Variants in TMED10 observed in about 807,000 individuals in gnomAD.
The protein encoded by TMED10 is transmembrane p24 trafficking protein 10.
In TMED10, 7 loss-of-function variants were observed where a neutral mutation model predicts 23.1. The observed-to-expected ratio is 0.30, with a 90% CI of 0.17 to 0.57. The LOEUF (loss-of-function observed/expected upper bound fraction) is 0.57. TMED10 is among the 20% of genes least tolerant of loss of function. The pLI is 0.91. For missense variants in TMED10, 162 were observed against 274.8 expected (o/e 0.59, Z 2.90); for synonymous variants, 113 against 106.9 (o/e 1.06, Z -0.35).
intron 3 of TMED10, among the ~76,000 whole-genome samples, chr14:75,136,223 G>A (rs1895747977): frequency 6.6e-6 from 1 of 152,136 alleles, no homozygotes; most frequent in Admixed American, 6.5e-5. Context: ...CAGTGGCACA[G>A]TCTTGGCTCA....
intron 1 of TMED10, among the ~76,000 whole-genome samples, chr14:75,167,612 A>C (rs1351956838): frequency 6.6e-6 from 1 of 152,174 alleles, no homozygotes; most frequent in Non-Finnish European, 1.5e-5. Context: ...TAGGCCTGTG[A>C]TTCAAGGCTG....
At chr14:75,176,228 T>C in intron 1 of TMED10, 127 bp downstream of exon 1, 15 of 1,199,002 alleles carry the variant, frequency 1.3e-5, no homozygotes, top group Non-Finnish European at 1.7e-5. Flanking sequence ...CCACCGCACG[T>C]CCTTTGCGCT....
At chr14:75,162,172 T>A (rs1896093719) in intron 1 of TMED10, among the ~76,000 whole-genome samples, 1 of 152,006 alleles carries the variant, frequency 6.6e-6, no homozygotes, top group Admixed American at 6.6e-5. Flanking sequence ...GGCTGAGGCA[T>A]GACAATCACT....
At chr14:75,153,616 A>C (rs1396778002) in intron 1 of TMED10, among the ~76,000 whole-genome samples, 10 of 152,222 alleles carry the variant, frequency 6.6e-5, no homozygotes, top group Non-Finnish European at 2.9e-5. Context: ...TGGCTTAATT[A>C]CATTAAACTG....
chr14:75,157,191 G>C (rs977843542), intron 1 of TMED10, among the ~76,000 whole-genome samples: 12 of 152,170 alleles, frequency 7.9e-5, no homozygotes, highest in Admixed American at 6.6e-4. Flanking sequence ...CGGAGCTTGG[G>C]GTTCTGCAAC....
At chr14:75,153,211 T>A (rs1895976380) in intron 1 of TMED10, among the ~76,000 whole-genome samples, 1 of 151,870 alleles carries the variant, frequency 6.6e-6, no homozygotes, top group African/African-American at 2.4e-5. Flanking sequence ...GCACCTATAG[T>A]CCCAGGTACT....
intron 1 of TMED10, among the ~76,000 whole-genome samples, chr14:75,164,212 C>T (rs1341142367): frequency 1.4e-5 from 2 of 147,872 alleles, no homozygotes; most frequent in African/African-American, 2.5e-5. Context: ...ACTACAGATG[C>T]ATGCCACCAT....
chr14:75,145,559 A>G lies in TMED10; in HGVS notation c.411+2105T>C, dbSNP rs537639442. ...CGCCAGCACTTTGGGAGGCCAAGAC[A>G]GGCAGATCACGAGGTCAGGAGATCG... On this transcript the variant is annotated intron_variant, in intron 3 of 4. Transcript: ENST00000303575. 2.6e-5 allele frequency among the ~76,000 whole-genome samples: 4 copies of G among 152,300 alleles called. No individual in the cohort carries two copies. In the South Asian group the frequency reaches 6.2e-4, roughly 24 times the overall value.
At chr14:75,157,760 C>T (rs12433849) in intron 1 of TMED10, among the ~76,000 whole-genome samples, 69,528 of 151,564 alleles carry the variant, frequency 0.46, 17,014 homozygotes, top group East Asian at 0.84. Context: ...GCCAACGTGG[C>T]GAAACCCCGT....
At chr14:75,138,794 A>G (rs1895783760) in intron 3 of TMED10, among the ~76,000 whole-genome samples, 1 of 148,566 alleles carries the variant, frequency 6.7e-6, no homozygotes, top group Admixed American at 6.7e-5. Context: ...AGCCTACTGA[A>G]TCCCACAGCC....
At chr14:75,153,788 T>G (rs1173097908) in intron 1 of TMED10, among the ~76,000 whole-genome samples, 2 of 149,698 alleles carry the variant, frequency 1.3e-5, no homozygotes, top group African/African-American at 4.9e-5. Context: ...TTTTTTTTTT[T>G]GAAATGGAGT....
intron 4 of TMED10, 131 bp from the exon 5 acceptor site, chr14:75,135,137 G>A: frequency 8.1e-7 from 1 of 1,235,820 alleles, no homozygotes; most frequent in Non-Finnish European, 1.1e-6. Context: ...TAGGATTTCA[G>A]ATAATTTTTC....
chr14:75,133,911 G>GA lies in TMED10; in HGVS notation c.*973dup. 9.9e-6 allele frequency: 3 copies of GA among 302,166 alleles called. No individual in the cohort carries two copies. The highest frequency in any genetic ancestry group is 6.4e-4 in the Middle Eastern group (1 of 1,564). 18.7% of individuals were successfully genotyped at this position (302,166 alleles called of 1,614,324 possible). ...CTAAATATATAAAACATTTTTAAAA[G>GA]AAAAAAAGGAAGAAACTATTCATAC... On this transcript the variant is annotated 3_prime_UTR_variant, in exon 5 of 5. Coordinates refer to ENST00000303575, the MANE Select transcript of TMED10 (RefSeq NM_006827.6).
In TMED10 at chr14:75,159,702, G is replaced by C. The variant is rs370272270; in HGVS notation, c.226-7559C>G. On this transcript the variant is annotated intron_variant, in intron 1 of 4. Transcript: ENST00000303575. ...CATTGCTAAAAGTACCTTACAAAAT[G>C]AATTAAGAAATCTGCTATGTTTTTC... Among the ~76,000 whole-genome samples the C allele has an allele frequency of 3.3e-5, 5 of 152,254 alleles. No homozygotes were observed. The South Asian group carries it at 1.0e-3, about 32-fold the overall frequency.
chr14:75,173,514 C>T (rs974778659), intron 1 of TMED10, among the ~76,000 whole-genome samples: 20 of 152,130 alleles, frequency 1.3e-4, no homozygotes, highest in Non-Finnish European at 1.9e-4. Flanking sequence ...GTTTCTACTA[C>T]GTCCAATTAT....
Position 75,140,321 on chromosome 14 carries a change from G to A in TMED10, c.412-4435C>T, listed in dbSNP as rs192065936. On this transcript the variant is annotated intron_variant, in intron 3 of 4. Coordinates refer to ENST00000303575, the MANE Select transcript of TMED10 (RefSeq NM_006827.6). ...TCACCATGTTGGTCAGGCTGGTCTC[G>A]AACTTGTGACCTCATGATCCGCCCT... Among the ~76,000 whole-genome samples, 10 of 152,120 alleles carry A rather than the reference G, an allele frequency of 6.6e-5. No individual in the cohort carries two copies. The East Asian group carries it at 1.2e-3, about 18-fold the overall frequency.
chr14:75,136,573 GA>G lies in TMED10; in HGVS notation c.412-688del, dbSNP rs748446144. 5.3e-5 allele frequency among the ~76,000 whole-genome samples: 8 copies of G among 152,240 alleles called. No homozygotes were observed. In the East Asian group the frequency reaches 1.5e-3, roughly 29 times the overall value. On this transcript the variant is annotated intron_variant, in intron 3 of 4. Coordinates refer to ENST00000303575, the MANE Select transcript of TMED10 (RefSeq NM_006827.6). ...TATTAAGTCAAACCTGGTTTTAGAA[GA>G]AAAACCACTAAATTCATTAAACCTT...
chr14:75,152,234 A>C (rs1895963347), intron 1 of TMED10, 91 bp from the exon 2 acceptor site: 1 of 968,400 alleles, frequency 1.0e-6, no homozygotes, highest in East Asian at 2.6e-5. Context: ...CTATCTATGA[A>C]AGACAATTGA....
rs1465807850 is a variant in TMED10 at position 75,131,497 on chromosome 14, A to G, written c.*3388T>C. ...TTTCTGCTAGCCTTTATTTGAGAAA[A>G]TTTACACAAAAATCCCCAATCCAAC... On this transcript the variant is annotated 3_prime_UTR_variant, in exon 5 of 5. Coordinates refer to ENST00000303575, the MANE Select transcript of TMED10 (RefSeq NM_006827.6). 1 of 152,578 alleles carries G rather than the reference A, an allele frequency of 6.6e-6. No homozygotes were observed. Among genetic ancestry groups the G allele is most frequent in the Non-Finnish European group, 1.5e-5 (1 of 68,020 alleles). The allele number at this position is 152,578 out of a possible 1,614,324, so 9.5% of individuals were successfully genotyped here.
Sources: allele counts gnomAD v4.1 joint callset (sites outside exome capture counted in the v4.1 genomes callset), GRCh38; gene constraint gnomAD v4.1.1; transcripts MANE v1.5; gene names NCBI Gene and HGNC (gene_info 2026-07-23, HGNC 2026-07-21).